The following RNF150 variants were observed in gnomAD, a reference collection of about 807,000 sequenced individuals.
The protein encoded by RNF150 is ring finger protein 150.
In RNF150, 24 loss-of-function variants were observed where a neutral mutation model predicts 39.3. The ratio of observed to expected loss-of-function variants is 0.61; its 90% CI spans 0.44 to 0.86. The LOEUF is 0.86. Ranked by LOEUF, RNF150 falls within the 40% of genes least tolerant of loss-of-function variation. The pLI is 0.00. For synonymous variants in RNF150, 255 were observed against 227.3 expected (o/e 1.12, Z -1.10); for missense variants, 502 against 587.8 (o/e 0.85, Z 1.51).
chr4:140,988,439 C>T (rs1177001195), intron 1 of RNF150, among the ~76,000 whole-genome samples: 2 of 151,956 alleles, frequency 1.3e-5, no homozygotes, highest in Non-Finnish European at 2.9e-5. Context: ...GAAATCATGT[C>T]CTTTGCAGCA....
At chr4:141,007,173 C>T (rs954305167) in intron 1 of RNF150, among the ~76,000 whole-genome samples, 1 of 152,146 alleles carries the variant, frequency 6.6e-6, no homozygotes, top group African/African-American at 2.4e-5. Context: ...ATCCACATAC[C>T]AGAAATACTG....
At chr4:140,947,556 C>T in intron 4 of RNF150, 98 bp downstream of exon 4, 1 of 799,824 alleles carries the variant, frequency 1.3e-6, no homozygotes, top group South Asian at 1.5e-5. Flanking sequence ...GGCAGACTGA[C>T]CTGGCAGCAC....
Position 140,981,387 on chromosome 4 carries a change from G to C in RNF150, c.485-13514C>G, listed in dbSNP as rs375586043. On this transcript the variant is annotated intron_variant, in intron 1 of 6. Coordinates refer to ENST00000515673, the MANE Select transcript of RNF150 (RefSeq NM_020724.2). ...AAGGTAATTTTACATAATACTTTTAGTAACTTTTGGCATGAAATAAAATTT... is the reference window on the plus strand; with the variant it reads ...AAGGTAATTTTACATAATACTTTTACTAACTTTTGGCATGAAATAAAATTT... 9.9e-5 allele frequency among the ~76,000 whole-genome samples: 15 copies of C among 152,174 alleles called. No individual in the cohort carries two copies. The East Asian group carries it at 2.9e-3, about 29-fold the overall frequency.
intron 1 of RNF150, among the ~76,000 whole-genome samples, chr4:140,999,243 T>G (rs1366056731): frequency 6.6e-6 from 1 of 152,208 alleles, no homozygotes; most frequent in Admixed American, 6.5e-5. Context: ...GCCAAAAAAC[T>G]AAAACACGCA....
chr4:140,911,667 A>G lies in RNF150; in HGVS notation c.988-313T>C, dbSNP rs111693346. ...AATAATCACTTAGGGGGAATATGTGAAATTTATTTACAATGAAGGCACTTC... is the reference window on the plus strand; with the variant it reads ...AATAATCACTTAGGGGGAATATGTGGAATTTATTTACAATGAAGGCACTTC... On this transcript the variant is annotated intron_variant, in intron 5 of 6. Transcript: ENST00000515673. 8.3e-3 allele frequency among the ~76,000 whole-genome samples: 1,259 copies of G among 152,252 alleles called. 24 individuals are homozygous for G. Among genetic ancestry groups the G allele is most frequent in the African/African-American group, 0.029 (1,188 of 41,548 alleles).
chr4:141,178,719 C>A (rs1727857998), intron 1 of RNF150, among the ~76,000 whole-genome samples: 1 of 152,182 alleles, frequency 6.6e-6, no homozygotes, highest in East Asian at 1.9e-4. Flanking sequence ...CAGGTGGGAT[C>A]CATGTGGATG....
chr4:141,034,659 T>C (rs1384308343), intron 1 of RNF150, among the ~76,000 whole-genome samples: 2 of 152,118 alleles, frequency 1.3e-5, no homozygotes, highest in Non-Finnish European at 2.9e-5. Context: ...GAGGCCACGG[T>C]AGGGTTATTA....
chr4:140,925,815 A>T (rs1241888442), intron 5 of RNF150, among the ~76,000 whole-genome samples, 162 bp downstream of exon 5: 1 of 152,124 alleles, frequency 6.6e-6, no homozygotes, highest in Non-Finnish European at 1.5e-5. Context: ...TGAGGGGAGA[A>T]ATGCTTTCAG....
At chr4:140,969,702 A>T (rs2111428771) in intron 1 of RNF150, among the ~76,000 whole-genome samples, 1 of 149,958 alleles carries the variant, frequency 6.7e-6, no homozygotes, top group Admixed American at 6.7e-5. Flanking sequence ...TTTTTGGGAC[A>T]GGATCTTGGG....
intron 1 of RNF150, among the ~76,000 whole-genome samples, chr4:141,094,184 G>A (rs1212568284): frequency 6.6e-6 from 1 of 152,158 alleles, no homozygotes; most frequent in Non-Finnish European, 1.5e-5. Context: ...AATACAGACA[G>A]ATGTGCAAAG....
chr4:141,194,167 T>C (rs1256722446), intron 1 of RNF150, among the ~76,000 whole-genome samples: 2 of 152,176 alleles, frequency 1.3e-5, no homozygotes, highest in East Asian at 1.9e-4. Flanking sequence ...CAGGTACCCA[T>C]TGCTTGCACT....
In RNF150 at chr4:140,864,606, T is replaced by C. The variant is rs1289793983; in HGVS notation, c.*3655A>G. On this transcript the variant is annotated 3_prime_UTR_variant, in exon 7 of 7. Coordinates refer to ENST00000515673, the MANE Select transcript of RNF150 (RefSeq NM_020724.2). ...TTCTCATTCTTTCCTCCCAAGTTCG[T>C]GAGTTTTCACTACAGCTGTGGGACT... The C allele has an allele frequency of 6.6e-6, 1 of 152,168 alleles. No homozygotes were observed. Among genetic ancestry groups the C allele is most frequent in the African/African-American group, 2.4e-5 (1 of 41,408 alleles). The allele number at this position is 152,168 out of a possible 1,614,324, so 9.4% of individuals were successfully genotyped here.
intron 1 of RNF150, among the ~76,000 whole-genome samples, chr4:141,000,498 T>C (rs1285696881): frequency 3.3e-5 from 5 of 152,208 alleles, no homozygotes; most frequent in African/African-American, 1.2e-4. Flanking sequence ...CCAACAAATA[T>C]ATTCAGTTTT....
chr4:140,929,963 C>A (rs1731560157), intron 4 of RNF150, among the ~76,000 whole-genome samples: 1 of 152,100 alleles, frequency 6.6e-6, no homozygotes, highest in African/African-American at 2.4e-5. Flanking sequence ...GAGTTTGAGA[C>A]TAGGCTGGCC....
intron 1 of RNF150, chr4:141,053,733 T>TGTGAACAAC: frequency 7.3e-7 from 1 of 1,369,110 alleles, no homozygotes; most frequent in Non-Finnish European, 9.4e-7. Context: ...ACATTAAACC[T>TGTGAACAAC]GTGAACAACG....
intron 1 of RNF150, among the ~76,000 whole-genome samples, chr4:140,999,975 GAAAAGAAGAAAAGAA>G (rs1734547199): frequency 7.2e-5 from 3 of 41,822 alleles, no homozygotes; most frequent in Admixed American, 3.2e-4. Context: ...AGAAGAAGAA[GAAAAGAAGAAAAGAA>G]GAAAAGAAGA....
intron 5 of RNF150, among the ~76,000 whole-genome samples, chr4:140,911,988 T>C (rs1730625834): frequency 1.3e-5 from 2 of 152,218 alleles, no homozygotes; most frequent in Admixed American, 1.3e-4. Flanking sequence ...CTAAATTAAA[T>C]TCTTAGAATC....
intron 1 of RNF150, among the ~76,000 whole-genome samples, chr4:141,155,838 G>T (rs1206999494): frequency 6.6e-6 from 1 of 152,184 alleles, no homozygotes; most frequent in African/African-American, 2.4e-5. Context: ...AGGGGAGTCT[G>T]GTTGCAGTAT....
intron 1 of RNF150, among the ~76,000 whole-genome samples, chr4:141,040,167 C>CCACAAACA (rs1736302842): frequency 6.6e-6 from 1 of 150,604 alleles, no homozygotes; most frequent in Non-Finnish European, 1.5e-5. Flanking sequence ...GGTAACACAA[C>CCACAAACA]CACACACACA....
Sources: gnomAD v4.1 joint callset for allele counts (sites outside exome capture counted in the v4.1 genomes callset) on GRCh38, gnomAD v4.1.1 for gene constraint, MANE v1.5 for transcripts, NCBI Gene and HGNC (gene_info 2026-07-23, HGNC 2026-07-21) for gene names.